TRRAP: variants seen among roughly 807,000 people sequenced by gnomAD.
TRRAP encodes transformation/transcription domain associated protein.
In TRRAP, 41 loss-of-function variants were observed where a neutral mutation model predicts 438.8. The observed-to-expected ratio is 0.09, with a 90% CI of 0.07 to 0.12. The LOEUF is 0.12. Ranked by LOEUF, TRRAP falls within the 10% of genes least tolerant of loss-of-function variation. TRRAP has a pLI of 1.00. For missense variants in TRRAP, 3,122 were observed against 5,055.1 expected (o/e 0.62, Z 11.60); for synonymous variants, 1,994 against 1,962.9 (o/e 1.02, Z -0.42).
rs2116485482 is a variant in TRRAP at position 98,925,206 on chromosome 7, C to T, written c.2918C>T (p.Ala973Val). The T allele has an allele frequency of 6.2e-7, 1 of 1,614,132 alleles. No homozygotes were observed. Among genetic ancestry groups the T allele is most frequent in the Non-Finnish European group, 8.5e-7 (1 of 1,180,016 alleles). Reference sequence around the variant, plus strand: ...GAAGTGATCAAATGCTTCCTGGTGGCCATGATGAGCCTGGAGGACAACAAG... The same window carrying T: ...GAAGTGATCAAATGCTTCCTGGTGGTCATGATGAGCCTGGAGGACAACAAG... ...AWEVIKCFLV[A>V]MMSLEDNKHA... The change falls in exon 22 of 73, where the codon GCC becomes GTC. Residue 973 changes from alanine to valine, a missense_variant. Physicochemically the swap from Ala to Val is moderately conservative, Grantham distance 64 (BLOSUM62 0). Transcript: ENST00000456197.
chr7:98,966,470 A>G (rs548069120), intron 49 of TRRAP, among the ~76,000 whole-genome samples: 1 of 152,000 alleles, frequency 6.6e-6, no homozygotes, highest in Non-Finnish European at 1.5e-5. Flanking sequence ...GGATCACTTG[A>G]GGTCAGGAGT....
intron 10 of TRRAP, 108 bp downstream of exon 10, chr7:98,899,875 A>G (rs1796395468): frequency 1.7e-6 from 2 of 1,198,406 alleles, no homozygotes; most frequent in Non-Finnish European, 1.2e-6. Context: ...AAATTTTGGT[A>G]AAATTATATG....
intron 63 of TRRAP, 135 bp downstream of exon 63, chr7:98,989,101 T>C (rs573774231): frequency 1.1e-6 from 1 of 929,692 alleles, no homozygotes; most frequent in East Asian, 2.7e-5. Flanking sequence ...TCCTCATCAC[T>C]GTTCGAAGTA....
intron 67 of TRRAP, among the ~76,000 whole-genome samples, chr7:98,996,255 G>T (rs750629591): frequency 2.6e-5 from 4 of 152,040 alleles, no homozygotes; most frequent in Non-Finnish European, 5.9e-5. Context: ...ATCCACCGCG[G>T]TGCGCACAGG....
chr7:98,986,105 C>T (rs1403619565), intron 62 of TRRAP, among the ~76,000 whole-genome samples: 1 of 152,204 alleles, frequency 6.6e-6, no homozygotes, highest in Non-Finnish European at 1.5e-5. Context: ...CATCCATGTG[C>T]TGTCATGTAT....
chr7:98,895,910 T>G, intron 7 of TRRAP, 90 bp downstream of exon 7: 1 of 1,033,572 alleles, frequency 9.7e-7, no homozygotes, highest in Non-Finnish European at 1.4e-6. Flanking sequence ...GCAGAAATAG[T>G]GTGTGGGGAG....
At chr7:98,971,997 A>G (rs1792437760) in intron 53 of TRRAP, 52 bp downstream of exon 53, 1 of 1,583,336 alleles carries the variant, frequency 6.3e-7, no homozygotes, top group Non-Finnish European at 8.6e-7. Flanking sequence ...TGGACAGTTC[A>G]AAGCCTAAAT....
rs782195862 is a variant in TRRAP, at chr7:98,881,104, T to C, written c.-47T>C. 8 of 1,541,584 alleles carry C rather than the reference T, an allele frequency of 5.2e-6. No individual in the cohort carries two copies. Among genetic ancestry groups the C allele is most frequent in the Middle Eastern group, 3.4e-4 (2 of 5,830 alleles). ...TCTTTTCATAGGCTGGTTGAACTCA[T>C]GGACCTGATACTTTTCTCTTGAGAA... On this transcript the variant is annotated 5_prime_UTR_variant, in exon 2 of 73. It removes an upstream start codon present in the reference 5' UTR. Transcript: ENST00000456197.
chr7:98,993,777 A>G (rs775822388), intron 66 of TRRAP, 40 bp downstream of exon 66: 2 of 1,600,390 alleles, frequency 1.2e-6, no homozygotes, highest in Admixed American at 1.7e-5. Flanking sequence ...CTCCTTGTAG[A>G]GGGGACGTGG....
intron 20 of TRRAP, 73 bp downstream of exon 20, chr7:98,917,752 C>G (rs1403446026): frequency 1.3e-6 from 2 of 1,547,008 alleles, no homozygotes; most frequent in African/African-American, 1.4e-5. Flanking sequence ...TCTCTGTACT[C>G]AAGAGTGGGC....
chr7:98,950,230 G>A lies in TRRAP; in HGVS notation c.5302G>A (p.Asp1768Asn), dbSNP rs1432890084. 9.3e-6 allele frequency: 15 copies of A among 1,614,168 alleles called. No individual in the cohort carries two copies. The highest frequency in any genetic ancestry group is 6.7e-5 in the East Asian group (3 of 44,886). The change falls in exon 38 of 73, where the codon GAC becomes AAC. Residue 1768 changes from aspartate to asparagine, a missense_variant. Asp to Asn is a conservative substitution (Grantham distance 23). This residue lies in a region of TRRAP where 272 missense variants were observed against 348.5 expected (regional missense o/e 0.78). Transcript: ENST00000456197. ...ALFFRFVDFN[D>N]PNFGDELKAK... ...GTTCTTTCGCTTTGTAGACTTCAAC[G>A]ACCCCAACTTCGGAGATGAATTAAA... is the stretch of plus-strand genomic sequence containing the variant.
chr7:98,948,543 C>T lies in TRRAP; in HGVS notation c.4669-23C>T. ...TCTGAGAAGAGGAAGTTGTGAGATG[C>T]AGCATTCCCACATGTTTTGCAGGCG... On this transcript the variant is annotated intron_variant, in intron 34 of 72. Transcript: ENST00000456197. The surrounding 1 kb of genome is among the most constrained non-coding windows in gnomAD (Gnocchi z 4.9). 4 of 1,614,136 alleles carry T rather than the reference C, an allele frequency of 2.5e-6. No homozygotes were observed. Among genetic ancestry groups the T allele is most frequent in the South Asian group, 2.2e-5 (2 of 91,068 alleles).
At position 98,976,710 on chromosome 7, in the gene TRRAP, G is replaced by T. The variant is rs578225944; in HGVS notation, c.8187G>T (p.Gln2729His). ...CTTTTGAAAAGGGTCTGAGTCTTCA[G>T]ATTAAGCCGAAGCAAACAACGGAGT... ...HQAFEKGLSLQIKPKQTTEFY... is the reference protein window; with the variant it reads ...HQAFEKGLSLHIKPKQTTEFY... Residue 2729 changes from glutamine (Q) to histidine (H), a missense_variant, in exon 55 of 73, where the codon CAG becomes CAT. By Grantham distance (24) the Gln-to-His change is conservative. Transcript: ENST00000456197. This position sits in a 1 kb window ranked among gnomAD's most constrained non-coding sequence, Gnocchi z 4.6. 6.2e-7 allele frequency: 1 copy of T among 1,613,998 alleles called. No individual in the cohort carries two copies. The highest frequency in any genetic ancestry group is 1.1e-5 in the South Asian group (1 of 91,090).
intron 64 of TRRAP, 21 bp downstream of exon 64, chr7:98,990,640 T>C (rs1793390348): frequency 6.3e-7 from 1 of 1,596,206 alleles, no homozygotes; most frequent in Non-Finnish European, 8.6e-7. Flanking sequence ...CAGGGTGGCC[T>C]TGTTCACGTG....
chr7:98,932,037 C>T (rs963499762), intron 26 of TRRAP, among the ~76,000 whole-genome samples: 11 of 151,964 alleles, frequency 7.2e-5, no homozygotes, highest in Non-Finnish European at 1.6e-4. Context: ...GCCTCAGCCT[C>T]CTAAGTAGCT....
chr7:98,924,620 C>A, intron 21 of TRRAP, among the ~76,000 whole-genome samples: 1 of 141,450 alleles, frequency 7.1e-6, no homozygotes, highest in Non-Finnish European at 1.5e-5. Flanking sequence ...ACCCGGGAGG[C>A]AGAGCTTGCA....
Position 98,908,948 on chromosome 7 carries a change from A to T in TRRAP, c.1336A>T (p.Met446Leu), listed in dbSNP as rs781998366. The change falls in exon 14 of 73, where the codon ATG (methionine) becomes TTG (leucine). Residue 446 changes from methionine to leucine, a missense_variant. Around this residue, in one of 24 missense-constraint regions of TRRAP, gnomAD observed 343 missense variants for 564.0 expected, o/e 0.61. Coordinates refer to ENST00000456197, the MANE Select transcript of TRRAP (RefSeq NM_001375524.1). The surrounding 1 kb of genome is among the most constrained non-coding windows in gnomAD (Gnocchi z 4.1). ...QESGNGRDVL[M>L]RMLEVFVLKF... ...GAGTGGCAATGGGAGAGACGTCCTG[A>T]TGCGGATGCTGGAGGTACCAGCTCT... 1 of 1,612,202 alleles carries T rather than the reference A, an allele frequency of 6.2e-7. No individual in the cohort carries two copies. Among genetic ancestry groups the T allele is most frequent in the Admixed American group, 1.7e-5 (1 of 59,906 alleles).
chr7:98,883,577 C>G (rs1795560195), intron 3 of TRRAP, among the ~76,000 whole-genome samples: 1 of 152,078 alleles, frequency 6.6e-6, no homozygotes, highest in African/African-American at 2.4e-5. Context: ...TGCAGTGGTA[C>G]AATTTCAGCT....
At chr7:98,884,432 GC>G (rs1795598225) in intron 3 of TRRAP, among the ~76,000 whole-genome samples, 1 of 151,546 alleles carries the variant, frequency 6.6e-6, no homozygotes, top group Non-Finnish European at 1.5e-5. Flanking sequence ...ATGGGGTTTC[GC>G]CTTGTTGCCC....
Sources: gnomAD v4.1 joint callset for allele counts (sites outside exome capture counted in the v4.1 genomes callset) on GRCh38, gnomAD v4.1.1 for gene constraint, gnomAD v4.1.1 regional missense constraint, Gnocchi (gnomAD v3.1) non-coding constraint, MANE v1.5 for transcripts, NCBI Gene and HGNC (gene_info 2026-07-23, HGNC 2026-07-21) for gene names.